Variants in ACSL5 observed in about 807,000 individuals in gnomAD.
The protein encoded by ACSL5 is long-chain-fatty-acid--CoA ligase 5.
A neutral mutation model predicts 84.9 loss-of-function variants in ACSL5; 50 were observed. The observed-to-expected ratio is 0.59, with a 90% CI of 0.47 to 0.75. The LOEUF (loss-of-function observed/expected upper bound fraction) is 0.75, where lower values mean the gene tolerates loss of function less well. Among genes scored for constraint, ACSL5 ranks in the 30% least tolerant of loss-of-function variants. The probability of loss-of-function intolerance (pLI) is 0.00; values close to 1 mark genes in which losing one functional copy is unlikely to be tolerated. For missense variants in ACSL5, 775 were observed against 830.4 expected (o/e 0.93, Z 0.82); for synonymous variants, 280 against 300.7 (o/e 0.93, Z 0.71).
intron 1 of ACSL5, among the ~76,000 whole-genome samples, chr10:112,386,445 C>T (rs1045209542): frequency 2.6e-5 from 4 of 151,988 alleles, no homozygotes; most frequent in East Asian, 1.9e-4. Context: ...CCGCCCGCCT[C>T]GGCCTTCCAA....
At chr10:112,389,018 A>G (rs950338928) in intron 1 of ACSL5, among the ~76,000 whole-genome samples, 10 of 152,230 alleles carry the variant, frequency 6.6e-5, no homozygotes, top group African/African-American at 2.4e-4. Context: ...TTTTTAGCCA[A>G]TAGGGATAGT....
chr10:112,425,554 T>A (rs192967311), intron 18 of ACSL5, 73 bp downstream of exon 18: 191 of 1,297,030 alleles, frequency 1.5e-4, no homozygotes, highest in Admixed American at 1.0e-3. Flanking sequence ...AGGAAATTTG[T>A]ATAGTTGGGT....
At chr10:112,400,225 T>C (rs1843847323) in intron 3 of ACSL5, among the ~76,000 whole-genome samples, 1 of 152,052 alleles carries the variant, frequency 6.6e-6, no homozygotes, top group African/African-American at 2.4e-5. Context: ...TTTCCTTTTT[T>C]TTCAGAGACG....
chr10:112,404,843 G>T (rs751280642), intron 5 of ACSL5, 37 bp downstream of exon 5: 9 of 1,557,082 alleles, frequency 5.8e-6, no homozygotes, highest in Non-Finnish European at 4.4e-6. Context: ...AAATGAGTCA[G>T]GGTTAAGTTT....
At chr10:112,389,276 T>C (rs1481408614) in intron 1 of ACSL5, among the ~76,000 whole-genome samples, 2 of 151,930 alleles carry the variant, frequency 1.3e-5, no homozygotes, top group Non-Finnish European at 2.9e-5. Context: ...GAATAAAACA[T>C]GTTAGGAGCC....
intron 1 of ACSL5, among the ~76,000 whole-genome samples, chr10:112,392,141 G>A (rs1449254493): frequency 6.6e-6 from 1 of 152,278 alleles, no homozygotes; most frequent in South Asian, 2.1e-4. Context: ...TAATTTGTGG[G>A]TGGGATTGAG....
In ACSL5 at chr10:112,421,598, T is replaced by G. The variant is rs1419907020; in HGVS notation, c.1320T>G (p.Tyr440Ter). The change falls in exon 15 of 21, where the codon TAT becomes TAG. Residue 440 changes from tyrosine (Y) to a stop codon, truncating the protein, a stop_gained. Transcript: ENST00000354655. LOFTEE classifies it high-confidence loss of function. ...FFRAAMGCQV[Y>*]EAYGQTECTG... ...GCTCTTCTTTGGTTTCCCAGGTGTA[T>G]GAAGCTTATGGTCAAACAGAATGCA... The G allele has an allele frequency of 5.6e-6, 9 of 1,614,132 alleles. No individual in the cohort carries two copies. Among genetic ancestry groups the G allele is most frequent in the Non-Finnish European group, 7.6e-6 (9 of 1,179,948 alleles).
intron 1 of ACSL5, among the ~76,000 whole-genome samples, chr10:112,387,218 C>G (rs1252466826): frequency 1.3e-5 from 2 of 152,182 alleles, no homozygotes; most frequent in African/African-American, 4.8e-5. Context: ...CCTCATCTGT[C>G]ATATCCCTAG....
In ACSL5 at chr10:112,395,124, T is replaced by C. The variant is rs1843717301; in HGVS notation, c.156+22T>C. On this transcript the variant is annotated intron_variant, in intron 2 of 20. Coordinates refer to ENST00000354655, the MANE Select transcript of ACSL5 (RefSeq NM_203379.2). Reference sequence around the variant, plus strand: ...TGAGGTAATTTACCAGTCATCCTTTTAGTTTGTCAACCTTCCTCAAACTCA... The same window carrying C: ...TGAGGTAATTTACCAGTCATCCTTTCAGTTTGTCAACCTTCCTCAAACTCA... 5 of 1,605,662 alleles carry C rather than the reference T, an allele frequency of 3.1e-6. No homozygotes were observed. In the South Asian group the frequency reaches 5.5e-5, roughly 18 times the overall value.
intron 1 of ACSL5, 198 bp from the exon 2 acceptor site, chr10:112,394,720 T>C: frequency 1.0e-6 from 1 of 983,824 alleles, no homozygotes; most frequent in Non-Finnish European, 1.2e-6. Context: ...GAATGTGTTC[T>C]ATTATTTTCA....
At position 112,422,354 on chromosome 10, in the gene ACSL5, A is replaced by C. The variant is rs1398783968; in HGVS notation, c.1506A>C (p.Lys502Asn). The change falls in exon 17 of 21, where the codon AAA becomes AAC. Residue 502 changes from lysine to asparagine, a missense_variant. Lys to Asn is a moderately conservative substitution (Grantham distance 94). Coordinates refer to ENST00000354655, the MANE Select transcript of ACSL5 (RefSeq NM_203379.2). ...GCATCAAGGGTACAAACGTGTTCAAAGGATACCTGAAGGACCCTGAGAAGA... is the reference window on the plus strand; with the variant it reads ...GCATCAAGGGTACAAACGTGTTCAACGGATACCTGAAGGACCCTGAGAAGA... The part of the protein sequence containing the change: ...EVCIKGTNVF[K>N]GYLKDPEKTQ... 10 of 1,614,084 alleles carry C rather than the reference A, an allele frequency of 6.2e-6. No homozygotes were observed. Among genetic ancestry groups the C allele is most frequent in the Non-Finnish European group, 7.6e-6 (9 of 1,180,036 alleles).
chr10:112,403,082 G>A lies in ACSL5; in HGVS notation c.266-1429G>A, dbSNP rs567257307. ...ATACTGAAGACAAATGCATGAGTGT[G>A]TGCACACCTCTGTGTGTGTTTCCGT... On this transcript the variant is annotated intron_variant, in intron 3 of 20. Coordinates refer to ENST00000354655, the MANE Select transcript of ACSL5 (RefSeq NM_203379.2). 5.3e-5 allele frequency among the ~76,000 whole-genome samples: 8 copies of A among 152,302 alleles called. No individual in the cohort carries two copies. The South Asian group carries it at 1.7e-3, about 32-fold the overall frequency.
At chr10:112,376,576 C>A in intron 1 of ACSL5, 1 of 1,318,898 alleles carries the variant, frequency 7.6e-7, no homozygotes, top group Non-Finnish European at 1.0e-6. Flanking sequence ...CTGAGTTCCA[C>A]GGGCACATCA....
intron 1 of ACSL5, among the ~76,000 whole-genome samples, chr10:112,378,181 C>A (rs986714667): frequency 6.9e-6 from 1 of 144,724 alleles, no homozygotes; most frequent in African/African-American, 2.6e-5. Context: ...AGTACCAGTA[C>A]ACAGTAGGTA....
At chr10:112,410,129 G>T (rs1167193307) in intron 7 of ACSL5, 1 of 856,470 alleles carries the variant, frequency 1.2e-6, no homozygotes, top group Non-Finnish European at 1.4e-6. Context: ...TCAGGACAGT[G>T]ATGGATATGT....
chr10:112,404,870 A>G (rs1019043258), intron 5 of ACSL5, 64 bp downstream of exon 5: 4 of 1,396,836 alleles, frequency 2.9e-6, no homozygotes, highest in African/African-American at 1.4e-5. Flanking sequence ...TTCAAATGCT[A>G]TTCCCCGTCC....
chr10:112,391,998 C>T (rs992585777), intron 1 of ACSL5, among the ~76,000 whole-genome samples: 3 of 152,184 alleles, frequency 2.0e-5, no homozygotes, highest in Non-Finnish European at 4.4e-5. Context: ...AACTTTTAGA[C>T]TCTGATTCAA....
At chr10:112,381,121 G>C (rs1314954317) in intron 1 of ACSL5, among the ~76,000 whole-genome samples, 1 of 152,122 alleles carries the variant, frequency 6.6e-6, no homozygotes, top group Non-Finnish European at 1.5e-5. Context: ...AAGCCAGGGG[G>C]TCAAGGATCA....
At chr10:112,374,919 A>C (rs1849208968) in intron 1 of ACSL5, among the ~76,000 whole-genome samples, 1 of 152,162 alleles carries the variant, frequency 6.6e-6, no homozygotes. Context: ...GGGTTGCCAA[A>C]GCTTTCAGTT....
Sources: allele counts gnomAD v4.1 joint callset (sites outside exome capture counted in the v4.1 genomes callset), GRCh38; gene constraint gnomAD v4.1.1; transcripts MANE v1.5; gene names NCBI Gene and HGNC (gene_info 2026-07-23, HGNC 2026-07-21).